The following PDZRN4 variants were observed in gnomAD, a reference collection of about 807,000 sequenced individuals.
The protein encoded by PDZRN4 is PDZ domain containing ring finger 4.
Under a neutral mutation model 99.0 loss-of-function variants are expected in PDZRN4, and 70 were observed. That is an observed-to-expected ratio of 0.71 (90% confidence interval 0.58 to 0.86). The LOEUF is 0.86. PDZRN4 is among the 40% of genes least tolerant of loss of function. The pLI is 0.00. For synonymous variants in PDZRN4, 551 were observed against 501.6 expected (o/e 1.10, Z -1.32); for missense variants, 1,474 against 1,331.2 (o/e 1.11, Z -1.67).
rs142620941 is a variant in PDZRN4, at chr12:41,427,853, G to A, written c.844-78603G>A. 1.8e-4 allele frequency among the ~76,000 whole-genome samples: 27 copies of A among 152,212 alleles called. No individual in the cohort carries two copies. In the East Asian group the frequency reaches 3.3e-3, roughly 19 times the overall value. On this transcript the variant is annotated intron_variant, in intron 3 of 9. Coordinates refer to ENST00000402685, the MANE Select transcript of PDZRN4 (RefSeq NM_001164595.2). ...ACCTGTAATCCTAGCAATTTGGAAGGCTGGTGGGCAGATCACCTGAGGTCA... is the reference window on the plus strand; with the variant it reads ...ACCTGTAATCCTAGCAATTTGGAAGACTGGTGGGCAGATCACCTGAGGTCA...
At chr12:41,221,345 A>G (rs1235446139) in intron 3 of PDZRN4, among the ~76,000 whole-genome samples, 1 of 152,172 alleles carries the variant, frequency 6.6e-6, no homozygotes, top group East Asian at 1.9e-4. Context: ...ACCCAAATAT[A>G]TTGCATCAAC....
intron 3 of PDZRN4, among the ~76,000 whole-genome samples, chr12:41,290,241 T>C (rs1247825787): frequency 1.3e-5 from 2 of 152,302 alleles, no homozygotes; most frequent in Non-Finnish European, 2.9e-5. Context: ...AGATTTTTAA[T>C]AAAAAACTTT....
rs77035095 is a variant in PDZRN4 at position 41,424,616 on chromosome 12, T to A, written c.844-81840T>A. Reference sequence around the variant, plus strand: ...CTTAATACATGAACTCAGAAGTGTTTACTTTGAGTCTTAGTCATGCTAAGC... The same window carrying A: ...CTTAATACATGAACTCAGAAGTGTTAACTTTGAGTCTTAGTCATGCTAAGC... On this transcript the variant is annotated intron_variant, in intron 3 of 9. Transcript: ENST00000402685. Among the ~76,000 whole-genome samples, 464 of 151,360 alleles carry A rather than the reference T, an allele frequency of 3.1e-3. 10 individuals carry two copies. The East Asian group carries it at 0.06, about 20-fold the overall frequency.
At chr12:41,526,502 T>G (rs1938569572) in intron 5 of PDZRN4, among the ~76,000 whole-genome samples, 1 of 152,220 alleles carries the variant, frequency 6.6e-6, no homozygotes, top group Non-Finnish European at 1.5e-5. Context: ...TTGCTTATTT[T>G]AAAACATGAT....
chr12:41,514,876 A>G (rs1938374138), intron 5 of PDZRN4, among the ~76,000 whole-genome samples: 2 of 152,124 alleles, frequency 1.3e-5, no homozygotes, highest in Admixed American at 1.3e-4. Context: ...GAGGGTGAAA[A>G]ATAGGGAGAC....
chr12:41,398,768 G>A (rs1404745918), intron 3 of PDZRN4, among the ~76,000 whole-genome samples: 1 of 152,096 alleles, frequency 6.6e-6, no homozygotes, highest in African/African-American at 2.4e-5. Context: ...CATACCTGCT[G>A]TATGTAAATT....
intron 3 of PDZRN4, among the ~76,000 whole-genome samples, chr12:41,439,727 A>T (rs1434927013): frequency 1.3e-5 from 2 of 152,048 alleles, no homozygotes; most frequent in Non-Finnish European, 2.9e-5. Context: ...CCATATATTT[A>T]TTTTATTTTC....
intron 5 of PDZRN4, among the ~76,000 whole-genome samples, chr12:41,518,003 A>T (rs545709275): frequency 6.6e-6 from 1 of 152,238 alleles, no homozygotes; most frequent in African/African-American, 2.4e-5. Flanking sequence ...AAATTACTTT[A>T]TTTACATATA....
chr12:41,264,256 T>A (rs955424622), intron 3 of PDZRN4, among the ~76,000 whole-genome samples: 2 of 152,222 alleles, frequency 1.3e-5, no homozygotes, highest in African/African-American at 4.8e-5. Context: ...ACTTTGGCTT[T>A]ATGAAAGTAA....
chr12:41,390,753 G>T (rs1248355999), intron 3 of PDZRN4, among the ~76,000 whole-genome samples: 1 of 152,014 alleles, frequency 6.6e-6, no homozygotes, highest in Non-Finnish European at 1.5e-5. Context: ...GATTTTGCAA[G>T]CTCCTGTGGT....
At chr12:41,425,258 TAA>T (rs1174566907) in intron 3 of PDZRN4, among the ~76,000 whole-genome samples, 1 of 151,330 alleles carries the variant, frequency 6.6e-6, no homozygotes, top group East Asian at 1.9e-4. Flanking sequence ...GACCTAAAAA[TAA>T]AGTTAACTTT....
chr12:41,432,714 A>G (rs1303757862), intron 3 of PDZRN4, among the ~76,000 whole-genome samples: 2 of 152,224 alleles, frequency 1.3e-5, no homozygotes, highest in Non-Finnish European at 2.9e-5. Context: ...CCAAGAATTC[A>G]GAAGTTGAAG....
intron 3 of PDZRN4, among the ~76,000 whole-genome samples, chr12:41,355,090 T>G (rs1237566391): frequency 6.6e-6 from 1 of 152,062 alleles, no homozygotes; most frequent in Admixed American, 6.6e-5. Flanking sequence ...CCCTCTGTTG[T>G]CCTCTGCTTT....
Position 41,572,878 on chromosome 12 carries a change from G to C in PDZRN4, c.2099G>C (p.Trp700Ser). The change falls in exon 10 of 10, where the codon TGG becomes TCG. Residue 700 changes from tryptophan to serine, a missense_variant. Physicochemically the swap from Trp to Ser is radical, Grantham distance 177. Coordinates refer to ENST00000402685, the MANE Select transcript of PDZRN4 (RefSeq NM_001164595.2). ...QKVTDQYGDI[W>S]TLHDGGFRNY... ...GTGACAGACCAGTATGGAGACATCT[G>C]GACATTGCATGATGGAGGATTCCGG... is the stretch of plus-strand genomic sequence containing the variant. 6.2e-7 allele frequency: 1 copy of C among 1,614,086 alleles called. No individual in the cohort carries two copies. Among genetic ancestry groups the C allele is most frequent in the Non-Finnish European group, 8.5e-7 (1 of 1,180,010 alleles).
chr12:41,240,524 C>T (rs551494186), intron 3 of PDZRN4, among the ~76,000 whole-genome samples: 130 of 152,274 alleles, frequency 8.5e-4, no homozygotes, highest in African/African-American at 3.1e-3. Context: ...AGACAGTGAA[C>T]GCATCAATAA....
At chr12:41,433,291 C>T (rs1203607029) in intron 3 of PDZRN4, among the ~76,000 whole-genome samples, 1 of 152,104 alleles carries the variant, frequency 6.6e-6, no homozygotes, top group Non-Finnish European at 1.5e-5. Context: ...GCAAGAAAGA[C>T]AGCTCAGGAT....
chr12:41,447,923 A>G (rs1274285858), intron 3 of PDZRN4, among the ~76,000 whole-genome samples: 1 of 152,162 alleles, frequency 6.6e-6, no homozygotes, highest in African/African-American at 2.4e-5. Flanking sequence ...GGAGGAGAGG[A>G]AGGGAAGAAA....
intron 3 of PDZRN4, among the ~76,000 whole-genome samples, chr12:41,498,688 A>T (rs2120651805): frequency 6.6e-6 from 1 of 152,230 alleles, no homozygotes; most frequent in African/African-American, 2.4e-5. Context: ...GTGAACTTTG[A>T]GGGACACATT....
intron 3 of PDZRN4, among the ~76,000 whole-genome samples, chr12:41,331,969 T>C (rs538699470): frequency 1.3e-5 from 2 of 152,080 alleles, no homozygotes; most frequent in East Asian, 1.9e-4. Context: ...GGGTAGGAAA[T>C]GAACAAAAAT....
Sources: allele counts gnomAD v4.1 joint callset (sites outside exome capture counted in the v4.1 genomes callset), GRCh38; gene constraint gnomAD v4.1.1; transcripts MANE v1.5; gene names NCBI Gene and HGNC (gene_info 2026-07-23, HGNC 2026-07-21).